The following ANXA4 variants were observed in gnomAD, a reference collection of about 807,000 sequenced individuals.
The protein encoded by ANXA4 is 35-beta calcimedin.
In ANXA4, 39 loss-of-function variants were observed where a neutral mutation model predicts 49.8. The observed-to-expected ratio is 0.78, with a 90% CI of 0.61 to 1.02. The LOEUF (loss-of-function observed/expected upper bound fraction) is 1.02, where lower values mean the gene tolerates loss of function less well. ANXA4 is among the 50% of genes least tolerant of loss of function. The pLI is 0.00. For synonymous variants in ANXA4, 134 were observed against 152.5 expected (o/e 0.88, Z 0.89); for missense variants, 360 against 410.1 (o/e 0.88, Z 1.05).
At chr2:69,781,355 A>C (rs777277793) in intron 1 of ANXA4, 165 bp from the exon 2 acceptor site, 2 of 614,952 alleles carry the variant, frequency 3.3e-6, no homozygotes, top group South Asian at 2.0e-5. Flanking sequence ...AGTTTCTCTA[A>C]TTAGCCCATT....
At chr2:69,818,764 G>A (rs1674108803) in intron 10 of ANXA4, 70 bp downstream of exon 10, 7 of 939,336 alleles carry the variant, frequency 7.5e-6, no homozygotes, top group Non-Finnish European at 8.2e-6. Context: ...TTTGCAATAT[G>A]GGGATATAGA....
chr2:69,693,878 G>A (rs563892140), intron 2 of ANXA4, among the ~76,000 whole-genome samples: 2 of 152,078 alleles, frequency 1.3e-5, no homozygotes, highest in East Asian at 3.9e-4. Context: ...CAAGCACCAG[G>A]CCCTTCTGAA....
At chr2:69,662,853 C>T (rs900945472) in intron 2 of ANXA4, among the ~76,000 whole-genome samples, 5 of 152,076 alleles carry the variant, frequency 3.3e-5, no homozygotes, top group East Asian at 1.9e-4. Flanking sequence ...TTCAGTTAAA[C>T]AGTAAATAAT....
At chr2:69,775,961 T>TTTTATTTA (rs61468872) in intron 1 of ANXA4, among the ~76,000 whole-genome samples, 2,382 of 104,548 alleles carry the variant, frequency 0.023, 74 homozygotes, top group African/African-American at 0.062. Flanking sequence ...TTTATTTTTA[T>TTTTATTTA]TTTATTTATT....
At chr2:69,740,855 G>GTTTTT (rs10718417), upstream of ANXA4, among the ~76,000 whole-genome samples, 4 of 98,362 alleles carry the variant, frequency 4.1e-5, no homozygotes, top group African/African-American at 8.0e-5. Flanking sequence ...CTATATATAT[G>GTTTTT]TTTTTTTTTT....
At chr2:69,658,672 A>C (rs893209742) in intron 2 of ANXA4, among the ~76,000 whole-genome samples, 1 of 152,038 alleles carries the variant, frequency 6.6e-6, no homozygotes, top group Non-Finnish European at 1.5e-5. Flanking sequence ...ATGTGATTTA[A>C]ATTTATTTTT....
intron 2 of ANXA4, among the ~76,000 whole-genome samples, chr2:69,669,834 A>C (rs1276728525): frequency 6.6e-6 from 1 of 152,126 alleles, no homozygotes; most frequent in Non-Finnish European, 1.5e-5. Context: ...TATCAGGAGC[A>C]GGCACATCTA....
intron 3 of ANXA4, among the ~76,000 whole-genome samples, chr2:69,724,341 C>T (rs1669901921): frequency 6.6e-6 from 1 of 152,154 alleles, no homozygotes; most frequent in Non-Finnish European, 1.5e-5. Flanking sequence ...TACAAGAGTT[C>T]CTGGCAGAAG....
At chr2:69,810,338 C>T (rs1465433819) in intron 6 of ANXA4, 2 of 419,200 alleles carry the variant, frequency 4.8e-6, no homozygotes, top group African/African-American at 4.0e-5. Flanking sequence ...CAGACTCCAT[C>T]CAGCCTGGGC....
intron 5 of ANXA4, among the ~76,000 whole-genome samples, chr2:69,806,725 G>C (rs114733670): frequency 1.8e-3 from 274 of 152,242 alleles, no homozygotes; most frequent in Non-Finnish European, 3.1e-3. Context: ...ATTGTCCTTA[G>C]CAAACTAAGG....
At chr2:69,803,285 A>G (rs1673298314) in intron 3 of ANXA4, 1 of 151,972 alleles carries the variant, frequency 6.6e-6, no homozygotes, top group South Asian at 2.1e-4. Context: ...ATCTTTTTGC[A>G]TCTCTAACCT....
intron 3 of ANXA4, among the ~76,000 whole-genome samples, chr2:69,789,647 T>C (rs571812774): frequency 1.2e-4 from 18 of 152,106 alleles, no homozygotes; most frequent in Admixed American, 9.2e-4. Context: ...TTGTCAGGGT[T>C]TTTATAAATG....
intron 1 of ANXA4, among the ~76,000 whole-genome samples, chr2:69,767,575 G>A (rs1400304514): frequency 3.3e-5 from 5 of 152,170 alleles, no homozygotes; most frequent in Admixed American, 1.3e-4. Context: ...GCCATGCCAC[G>A]TTGTTCTCCC....
rs539646974 is a variant in ANXA4, at chr2:69,816,163, C to G, written c.597C>G (p.Leu199=). Residue 199 remains leucine, a synonymous_variant, in exon 9 of 13, where the codon CTC becomes CTG. Coordinates refer to ENST00000394295, the MANE Select transcript of ANXA4 (RefSeq NM_001153.5). ...ATGAGGTGAAATTTCTAACTGTTCTCTGTTCCCGGAACCGAAATCACCTGT... is the reference window on the plus strand; with the variant it reads ...ATGAGGTGAAATTTCTAACTGTTCTGTGTTCCCGGAACCGAAATCACCTGT... The part of the protein sequence containing the change: ...GTDEVKFLTV[L]CSRNRNHLLH... The G allele has an allele frequency of 7.6e-5, 123 of 1,614,144 alleles. No homozygotes were observed. Among genetic ancestry groups the G allele is most frequent in the Non-Finnish European group, 1.0e-4 (120 of 1,179,990 alleles).
intron 12 of ANXA4, among the ~76,000 whole-genome samples, chr2:69,825,090 AC>A (rs368622101): frequency 0.039 from 5,070 of 130,882 alleles, 459 homozygotes; most frequent in African/African-American, 0.06. Flanking sequence ...AAAAAAAAAA[AC>A]CACAAACAAA....
intron 2 of ANXA4, among the ~76,000 whole-genome samples, chr2:69,671,885 C>T (rs1037549472): frequency 6.6e-6 from 1 of 152,164 alleles, no homozygotes; most frequent in East Asian, 1.9e-4. Context: ...TGTGGAGCAA[C>T]TAGAACTCTC....
intron 2 of ANXA4, among the ~76,000 whole-genome samples, chr2:69,717,093 G>T (rs1266537217): frequency 1.3e-5 from 2 of 152,176 alleles, no homozygotes; most frequent in Non-Finnish European, 2.9e-5. Flanking sequence ...CTGGGGTGGG[G>T]GCTCCATCTC....
At chr2:69,759,967 G>A (rs2105520614) in intron 1 of ANXA4, among the ~76,000 whole-genome samples, 1 of 152,092 alleles carries the variant, frequency 6.6e-6, no homozygotes, top group East Asian at 1.9e-4. Context: ...CGAGTAGCTG[G>A]GACTACAGGT....
intron 1 of ANXA4, among the ~76,000 whole-genome samples, chr2:69,651,300 A>G (rs1676220496): frequency 6.6e-6 from 1 of 152,106 alleles, no homozygotes; most frequent in Non-Finnish European, 1.5e-5. Context: ...CAGCCCAGGA[A>G]CTTGAGGTTG....
Sources: allele counts gnomAD v4.1 joint callset (sites outside exome capture counted in the v4.1 genomes callset), GRCh38; gene constraint gnomAD v4.1.1; transcripts MANE v1.5; gene names NCBI Gene and HGNC (gene_info 2026-07-23, HGNC 2026-07-21).